MRAS: variants seen among roughly 807,000 people sequenced by gnomAD.
The protein encoded by MRAS is muscle RAS oncogene homolog.
MRAS carries 4 observed loss-of-function variants against 20.9 expected under a neutral mutation model. The observed-to-expected ratio is 0.19, with a 90% CI of 0.09 to 0.44. The LOEUF (loss-of-function observed/expected upper bound fraction) is 0.44, where lower values mean the gene tolerates loss of function less well. MRAS is among the 20% of genes least tolerant of loss of function. MRAS has a pLI of 0.99. For missense variants in MRAS, 154 were observed against 277.5 expected (o/e 0.56, Z 3.16); for synonymous variants, 98 against 102.9 (o/e 0.95, Z 0.29).
intron 1 of MRAS, among the ~76,000 whole-genome samples, chr3:138,366,011 A>C (rs1318820734): frequency 6.6e-6 from 1 of 152,212 alleles, no homozygotes; most frequent in Admixed American, 6.5e-5. Context: ...ACAGTGCCAC[A>C]CTTGGCTTAG....
chr3:138,359,845 T>C (rs1212772238), intron 1 of MRAS, among the ~76,000 whole-genome samples: 1 of 152,252 alleles, frequency 6.6e-6, no homozygotes, highest in East Asian at 1.9e-4. Context: ...CAGATGTGTG[T>C]GTGCTCAAGA....
rs564310276 is a variant in MRAS at position 138,394,285 on chromosome 3, C to T, written c.194-3039C>T. ...GGACCTGCTGGTCCCGGAGCCCCGC[C>T]CCTCATTTCCTACATGAGACTGAGG... On this transcript the variant is annotated intron_variant, in intron 2 of 5. Transcript: ENST00000423968. Among the ~76,000 whole-genome samples, 5 of 152,214 alleles carry T rather than the reference C, an allele frequency of 3.3e-5. No individual in the cohort carries two copies. The South Asian group carries it at 1.0e-3, about 32-fold the overall frequency.
intron 1 of MRAS, among the ~76,000 whole-genome samples, chr3:138,362,633 A>T (rs542866680): frequency 6.6e-6 from 1 of 151,874 alleles, no homozygotes; most frequent in East Asian, 1.9e-4. Context: ...CCTACATTGT[A>T]CTCCCGTATG....
chr3:138,385,924 C>G (rs994445926), intron 2 of MRAS, among the ~76,000 whole-genome samples: 2 of 152,124 alleles, frequency 1.3e-5, no homozygotes, highest in Non-Finnish European at 2.9e-5. Context: ...GCAGTGTCCT[C>G]GAACAGGTGG....
rs1477494234 is a variant in MRAS at position 138,373,901 on chromosome 3, ATTTG to A, written c.193+829_193+832del. Among the ~76,000 whole-genome samples, 1,061 of 150,540 alleles carry A rather than the reference ATTTG, an allele frequency of 7.0e-3. 19 individuals carry two copies. The highest frequency in any genetic ancestry group is 0.023 in the African/African-American group (944 of 40,568). On this transcript the variant is annotated intron_variant, in intron 2 of 5. Coordinates refer to ENST00000423968, the MANE Select transcript of MRAS (RefSeq NM_001085049.3). ...CATTTATTTATTTATTTATTTATTT[ATTTG>A]TTTATTTGGGTCTTCTTTCTCTTGT...
chr3:138,385,776 A>T (rs1251707741), intron 2 of MRAS, among the ~76,000 whole-genome samples: 1 of 152,162 alleles, frequency 6.6e-6, no homozygotes, highest in Admixed American at 6.5e-5. Flanking sequence ...TGGCCTCCCA[A>T]AGTGCTGGGG....
rs756101110 is a variant in MRAS at position 138,404,901 on chromosome 3, G to T, written c.*2632G>T. The T allele has an allele frequency of 6.6e-6, 1 of 152,172 alleles. No individual in the cohort carries two copies. The highest frequency in any genetic ancestry group is 1.5e-5 in the Non-Finnish European group (1 of 68,060). The allele number at this position is 152,172 out of a possible 1,614,324, so 9.4% of individuals were successfully genotyped here. ...ATCCTCATGTTCCCGTTGGTCTTCCGGAGAATAGTGCTACCCTCACATCCC... is the reference window on the plus strand; with the variant it reads ...ATCCTCATGTTCCCGTTGGTCTTCCTGAGAATAGTGCTACCCTCACATCCC... On this transcript the variant is annotated 3_prime_UTR_variant, in exon 6 of 6. Coordinates refer to ENST00000423968, the MANE Select transcript of MRAS (RefSeq NM_001085049.3).
chr3:138,387,058 A>G (rs1371161195), intron 2 of MRAS, among the ~76,000 whole-genome samples: 1 of 152,176 alleles, frequency 6.6e-6, no homozygotes, highest in African/African-American at 2.4e-5. Context: ...AGCATGTGGA[A>G]TTTATCTCCT....
At chr3:138,392,301 G>C (rs1018744798) in intron 2 of MRAS, among the ~76,000 whole-genome samples, 5 of 152,098 alleles carry the variant, frequency 3.3e-5, no homozygotes, top group African/African-American at 1.2e-4. Context: ...TCAAACTCTT[G>C]GGCTCAAGCT....
intron 1 of MRAS, among the ~76,000 whole-genome samples, chr3:138,352,499 T>A (rs1283388531): frequency 6.6e-6 from 1 of 152,242 alleles, no homozygotes; most frequent in East Asian, 1.9e-4. Flanking sequence ...ATTATTTGAT[T>A]TTTTTGGTTA....
At chr3:138,364,896 T>C (rs1327532620) in intron 1 of MRAS, among the ~76,000 whole-genome samples, 1 of 152,242 alleles carries the variant, frequency 6.6e-6, no homozygotes, top group Non-Finnish European at 1.5e-5. Flanking sequence ...GGGTGTCTTC[T>C]ACTCTGACAC....
At chr3:138,385,833 G>A (rs1348594021) in intron 2 of MRAS, among the ~76,000 whole-genome samples, 3 of 152,132 alleles carry the variant, frequency 2.0e-5, no homozygotes, top group Non-Finnish European at 4.4e-5. Context: ...TTTGTTTTAA[G>A]ATGAGAGAAA....
At chr3:138,389,270 C>A (rs899026282) in intron 2 of MRAS, among the ~76,000 whole-genome samples, 1 of 151,778 alleles carries the variant, frequency 6.6e-6, no homozygotes, top group African/African-American at 2.4e-5. Context: ...ATTTTTTGAG[C>A]CTTCCTTGAG....
intron 2 of MRAS, among the ~76,000 whole-genome samples, chr3:138,393,522 G>A (rs1454147172): frequency 6.6e-6 from 1 of 151,832 alleles, no homozygotes; most frequent in Non-Finnish European, 1.5e-5. Flanking sequence ...TGAGATGACT[G>A]TTTTTCCTTT....
intron 1 of MRAS, among the ~76,000 whole-genome samples, chr3:138,358,252 G>C (rs1401000911): frequency 6.6e-6 from 1 of 151,814 alleles, no homozygotes; most frequent in Non-Finnish European, 1.5e-5. Flanking sequence ...CAGGAGAGTC[G>C]CTTGAATCCA....
chr3:138,361,496 C>T (rs551797583), intron 1 of MRAS, among the ~76,000 whole-genome samples: 4 of 152,168 alleles, frequency 2.6e-5, no homozygotes, highest in African/African-American at 4.8e-5. Context: ...GGGCTGTTTG[C>T]ACTGCCAAGG....
chr3:138,373,136 A>G, intron 2 of MRAS, 60 bp downstream of exon 2: 1 of 1,335,178 alleles, frequency 7.5e-7, no homozygotes, highest in Non-Finnish European at 9.8e-7. Flanking sequence ...GATCAGGGAA[A>G]TTTGACAGGT....
chr3:138,399,620 A>G (rs1161898036), intron 4 of MRAS, among the ~76,000 whole-genome samples: 1 of 152,226 alleles, frequency 6.6e-6, no homozygotes, highest in Non-Finnish European at 1.5e-5. Context: ...TTATAATGAA[A>G]GGCATTAATT....
chr3:138,355,480 T>C (rs2108495185), intron 1 of MRAS, among the ~76,000 whole-genome samples: 1 of 152,168 alleles, frequency 6.6e-6, no homozygotes, highest in Non-Finnish European at 1.5e-5. Flanking sequence ...GGAAAGGCTT[T>C]CTTATCCAGG....
Sources: allele counts gnomAD v4.1 joint callset (sites outside exome capture counted in the v4.1 genomes callset), GRCh38; gene constraint gnomAD v4.1.1; transcripts MANE v1.5; gene names NCBI Gene and HGNC (gene_info 2026-07-23, HGNC 2026-07-21).